GRIN3A: variants seen among roughly 807,000 people sequenced by gnomAD.
GRIN3A encodes the protein glutamate receptor ionotropic, NMDA 3A.
GRIN3A carries 47 observed loss-of-function variants against 92.4 expected under a neutral mutation model. The ratio of observed to expected loss-of-function variants is 0.51; its 90% CI spans 0.40 to 0.65. GRIN3A has a LOEUF of 0.65. Ranked by LOEUF, GRIN3A falls within the 30% of genes least tolerant of loss-of-function variation. The pLI is 0.00. For synonymous variants in GRIN3A, 527 were observed against 540.6 expected (o/e 0.97, Z 0.35); for missense variants, 1,324 against 1,393.1 (o/e 0.95, Z 0.79).
chr9:101,590,528 C>G (rs1329817755), intron 6 of GRIN3A, among the ~76,000 whole-genome samples: 1 of 151,902 alleles, frequency 6.6e-6, no homozygotes, highest in Admixed American at 6.6e-5. Context: ...ATTACAGGCA[C>G]GTGCCACCAC....
At chr9:101,659,745 A>G (rs1758327094) in intron 3 of GRIN3A, among the ~76,000 whole-genome samples, 1 of 151,886 alleles carries the variant, frequency 6.6e-6, no homozygotes, top group African/African-American at 2.4e-5. Flanking sequence ...AAATGATCTT[A>G]GACTTTCATT....
rs770303503 is a variant in GRIN3A at position 101,628,212 on chromosome 9, C to T, written c.2498+44G>A. ...CTGCGTCAGTAGCTAAATTACTTCT[C>T]TTCAGTGAGAATTTTTCTTTGGATC... On this transcript the variant is annotated intron_variant, in intron 4 of 8. Transcript: ENST00000361820. 6 of 1,606,514 alleles carry T rather than the reference C, an allele frequency of 3.7e-6. No homozygotes were observed. In the Admixed American group the frequency reaches 8.3e-5, roughly 22 times the overall value.
intron 1 of GRIN3A, among the ~76,000 whole-genome samples, chr9:101,714,139 G>A (rs571242999): frequency 7.9e-5 from 12 of 152,148 alleles, no homozygotes; most frequent in African/African-American, 2.6e-4. Context: ...AATAAAGGAC[G>A]CATTATGAAA....
In GRIN3A at chr9:101,737,601, C is replaced by T. The variant is rs113819148; in HGVS notation, c.379G>A (p.Ala127Thr). Residue 127 changes from alanine to threonine, a missense_variant, in exon 1 of 9, where the codon GCC becomes ACC. Coordinates refer to ENST00000361820, the MANE Select transcript of GRIN3A (RefSeq NM_133445.3). Reference protein sequence around the residue: ...ARAEALWPRDALLFAVDNLNR... With the variant: ...ARAEALWPRDTLLFAVDNLNR... ...AGGTTGTCCACGGCAAATAGGAGGG[C>T]GTCCCGTGGCCACAGGGCCTCCGCC... 328 of 1,613,652 alleles carry T rather than the reference C, an allele frequency of 2.0e-4. No homozygotes were observed. Among genetic ancestry groups the T allele is most frequent in the Non-Finnish European group, 2.5e-4 (300 of 1,180,022 alleles).
intron 6 of GRIN3A, among the ~76,000 whole-genome samples, chr9:101,612,102 G>T (rs529740044): frequency 6.6e-6 from 1 of 152,346 alleles, no homozygotes; most frequent in South Asian, 2.1e-4. Context: ...GCAGAAGAAT[G>T]ATCTGCCACA....
intron 1 of GRIN3A, among the ~76,000 whole-genome samples, chr9:101,696,814 T>G (rs1303415369): frequency 6.6e-6 from 1 of 152,162 alleles, no homozygotes; most frequent in African/African-American, 2.4e-5. Flanking sequence ...TTTATTGCAT[T>G]AAGAATGAAA....
chr9:101,615,011 G>C (rs998417386), intron 5 of GRIN3A, among the ~76,000 whole-genome samples: 2 of 152,020 alleles, frequency 1.3e-5, no homozygotes, highest in Non-Finnish European at 2.9e-5. Context: ...GAAGGAATGA[G>C]GGAGGAACAT....
chr9:101,700,782 C>A (rs562552643), intron 1 of GRIN3A, among the ~76,000 whole-genome samples: 4 of 151,916 alleles, frequency 2.6e-5, no homozygotes, highest in Admixed American at 2.0e-4. Flanking sequence ...ACTGAAATTT[C>A]AGTAATCCAC....
chr9:101,729,861 C>T (rs1469627637), intron 1 of GRIN3A, among the ~76,000 whole-genome samples: 3 of 152,180 alleles, frequency 2.0e-5, no homozygotes, highest in East Asian at 1.9e-4. Context: ...AAGCCCAAGT[C>T]GTATGTCCCA....
chr9:101,633,326 A>G (rs2118887084), intron 3 of GRIN3A, among the ~76,000 whole-genome samples: 1 of 152,316 alleles, frequency 6.6e-6, no homozygotes, highest in South Asian at 2.1e-4. Context: ...TAACTTGCCT[A>G]GTGGAATAGG....
rs1827861547 is a variant in GRIN3A, at chr9:101,579,268, G to A, written c.2859C>T (p.His953=). The change falls in exon 7 of 9, where the codon CAC becomes CAT. Residue 953 remains histidine, a synonymous_variant. Coordinates refer to ENST00000361820, the MANE Select transcript of GRIN3A (RefSeq NM_133445.3). ...GLSILTTIGE[H]IVYRLLLPRI... ...GTGGTAGCAGCAGCCTGTATACTATGTGCTCACCAATGGTGGTCAAAATGG... is the reference window on the plus strand; with the variant it reads ...GTGGTAGCAGCAGCCTGTATACTATATGCTCACCAATGGTGGTCAAAATGG... The A allele has an allele frequency of 6.2e-7, 1 of 1,613,894 alleles. No homozygotes were observed. The highest frequency in any genetic ancestry group is 8.5e-7 in the Non-Finnish European group (1 of 1,179,942).
intron 1 of GRIN3A, among the ~76,000 whole-genome samples, chr9:101,688,434 A>G (rs192162009): frequency 6.6e-6 from 1 of 152,290 alleles, no homozygotes; most frequent in East Asian, 1.9e-4. Flanking sequence ...TGTTCTGAGA[A>G]TTTGTCTTTT....
intron 3 of GRIN3A, among the ~76,000 whole-genome samples, chr9:101,631,431 C>T (rs1828708579): frequency 6.6e-6 from 1 of 152,132 alleles, no homozygotes; most frequent in Admixed American, 6.5e-5. Context: ...AAACAGAATT[C>T]CTTCCAGAAA....
chr9:101,678,483 C>A (rs1288732129), intron 2 of GRIN3A, among the ~76,000 whole-genome samples: 2 of 152,054 alleles, frequency 1.3e-5, no homozygotes, highest in South Asian at 4.1e-4. Context: ...AAATTGCATA[C>A]AAGGCTCATC....
At chr9:101,632,817 G>A (rs1210346143) in intron 3 of GRIN3A, among the ~76,000 whole-genome samples, 1 of 152,116 alleles carries the variant, frequency 6.6e-6, no homozygotes, top group Admixed American at 6.5e-5. Flanking sequence ...CCTGCATCAA[G>A]GAAAAAGGAT....
chr9:101,701,529 T>C (rs1829753344), intron 1 of GRIN3A, among the ~76,000 whole-genome samples: 1 of 152,042 alleles, frequency 6.6e-6, no homozygotes, highest in African/African-American at 2.4e-5. Flanking sequence ...CAACTCAAGA[T>C]GGATTAAAAG....
intron 6 of GRIN3A, chr9:101,593,210 G>A (rs1000618850): frequency 1.3e-5 from 2 of 152,210 alleles, no homozygotes; most frequent in African/African-American, 4.8e-5. Context: ...ACATAAATGC[G>A]TGGGAAGAGA....
intron 1 of GRIN3A, among the ~76,000 whole-genome samples, chr9:101,724,506 C>G (rs755002425): frequency 5.3e-5 from 8 of 152,158 alleles, no homozygotes; most frequent in Non-Finnish European, 1.0e-4. Context: ...CACCTCCCTG[C>G]AAGCTGAGGG....
intron 6 of GRIN3A, among the ~76,000 whole-genome samples, chr9:101,586,905 G>A (rs1827956948): frequency 6.6e-6 from 1 of 152,190 alleles, no homozygotes; most frequent in Admixed American, 6.5e-5. Context: ...CCTAGTTCCT[G>A]CACTAGCATC....
Sources: allele counts gnomAD v4.1 joint callset (sites outside exome capture counted in the v4.1 genomes callset), GRCh38; gene constraint gnomAD v4.1.1; transcripts MANE v1.5; gene names NCBI Gene and HGNC (gene_info 2026-07-23, HGNC 2026-07-21).